Variants in ATXN1 observed in about 807,000 individuals in gnomAD.
ATXN1 encodes the protein ataxin-1.
In ATXN1, 8 loss-of-function variants were observed where a neutral mutation model predicts 56.4. That is an observed-to-expected ratio of 0.14 (90% CI 0.08 to 0.26). ATXN1 has a LOEUF of 0.26. Among genes scored for constraint, ATXN1 ranks in the 10% least tolerant of loss-of-function variants. The pLI is 1.00. For missense variants in ATXN1, 987 were observed against 1,106.5 expected (o/e 0.89, Z 1.53); for synonymous variants, 514 against 494.6 (o/e 1.04, Z -0.52).
At chr6:16,460,859 C>G (rs1338182272) in intron 6 of ATXN1, among the ~76,000 whole-genome samples, 3 of 152,158 alleles carry the variant, frequency 2.0e-5, no homozygotes, top group Non-Finnish European at 4.4e-5. Context: ...CAGAACTTAC[C>G]CAAGCCTTAG....
At position 16,347,197 on chromosome 6, in the gene ATXN1, A is replaced by G. The variant is rs544702226; in HGVS notation, c.-160-18727T>C. ...CCCCTGCTCCACAGCGCCCAGTCCC[A>G]TCGACCACCCAAGGACTGAGGAGTG... On this transcript the variant is annotated intron_variant, in intron 6 of 7. Coordinates refer to ENST00000436367, the MANE Select transcript of ATXN1 (RefSeq NM_001128164.2). Among the ~76,000 whole-genome samples, 3 of 152,210 alleles carry G rather than the reference A, an allele frequency of 2.0e-5. No homozygotes were observed. The East Asian group carries it at 5.8e-4, about 29-fold the overall frequency.
At chr6:16,759,526 GAC>G (rs1760992907) in intron 1 of ATXN1, among the ~76,000 whole-genome samples, 2 of 98,662 alleles carry the variant, frequency 2.0e-5, no homozygotes, top group African/African-American at 4.3e-5. Context: ...AGCTTCTTCC[GAC>G]TGTTTTTTTT....
At chr6:16,648,360 C>T (rs868020973) in intron 3 of ATXN1, among the ~76,000 whole-genome samples, 1 of 152,266 alleles carries the variant, frequency 6.6e-6, no homozygotes, top group South Asian at 2.1e-4. Context: ...TAATGAAAAG[C>T]GTCATAGTCT....
intron 6 of ATXN1, among the ~76,000 whole-genome samples, chr6:16,334,004 T>G (rs1357041225): frequency 2.0e-5 from 3 of 152,168 alleles, no homozygotes; most frequent in African/African-American, 7.2e-5. Flanking sequence ...GGATCACACA[T>G]TCATTCATCA....
chr6:16,608,744 T>C (rs1443384249), intron 3 of ATXN1, among the ~76,000 whole-genome samples: 1 of 152,210 alleles, frequency 6.6e-6, no homozygotes, highest in Non-Finnish European at 1.5e-5. Flanking sequence ...CTGGGGACCA[T>C]TACAGGGATA....
At chr6:16,316,221 G>A (rs1234377303) in intron 7 of ATXN1, among the ~76,000 whole-genome samples, 2 of 152,178 alleles carry the variant, frequency 1.3e-5, no homozygotes, top group African/African-American at 4.8e-5. Flanking sequence ...AATGCCTGAT[G>A]ATCTGAGGTG....
intron 6 of ATXN1, among the ~76,000 whole-genome samples, chr6:16,484,858 A>C (rs1198122853): frequency 2.6e-5 from 4 of 152,034 alleles, no homozygotes; most frequent in Non-Finnish European, 5.9e-5. Flanking sequence ...TGCTCTTTAC[A>C]AATCTTGTAG....
At chr6:16,407,197 T>C (rs1337522790) in intron 6 of ATXN1, among the ~76,000 whole-genome samples, 2 of 152,226 alleles carry the variant, frequency 1.3e-5, no homozygotes, top group East Asian at 3.8e-4. Context: ...CTTGGCTTCA[T>C]TTTAAAAGAT....
chr6:16,380,863 T>C (rs1453570713), intron 6 of ATXN1, among the ~76,000 whole-genome samples: 2 of 152,200 alleles, frequency 1.3e-5, no homozygotes, highest in Non-Finnish European at 2.9e-5. Flanking sequence ...AATTTATATA[T>C]TGACATCCTG....
At chr6:16,565,132 C>G (rs1002462317) in intron 4 of ATXN1, among the ~76,000 whole-genome samples, 2 of 152,176 alleles carry the variant, frequency 1.3e-5, no homozygotes, top group Non-Finnish European at 2.9e-5. Context: ...GGTTAAAAAT[C>G]AATCTCTGCT....
At chr6:16,315,137 G>T (rs1349692041) in intron 7 of ATXN1, among the ~76,000 whole-genome samples, 1 of 151,988 alleles carries the variant, frequency 6.6e-6, no homozygotes, top group African/African-American at 2.4e-5. Flanking sequence ...CTCAGATGTC[G>T]AATGGGCAAC....
chr6:16,724,006 G>A (rs901018545), intron 2 of ATXN1, among the ~76,000 whole-genome samples: 1 of 152,152 alleles, frequency 6.6e-6, no homozygotes, highest in Non-Finnish European at 1.5e-5. Context: ...CAAGCATGAT[G>A]ACTTCACGTT....
At chr6:16,606,107 G>A (rs1004813301) in intron 3 of ATXN1, among the ~76,000 whole-genome samples, 2 of 152,010 alleles carry the variant, frequency 1.3e-5, no homozygotes, top group Non-Finnish European at 2.9e-5. Flanking sequence ...CCAGCCTGGA[G>A]TACAGTGTGT....
chr6:16,475,877 T>C (rs1760316540), intron 6 of ATXN1, among the ~76,000 whole-genome samples: 1 of 151,494 alleles, frequency 6.6e-6, no homozygotes. Flanking sequence ...ATTACTTTTT[T>C]TTTTTTTTTT....
At chr6:16,339,083 A>C (rs1263825584) in intron 6 of ATXN1, among the ~76,000 whole-genome samples, 2 of 152,166 alleles carry the variant, frequency 1.3e-5, no homozygotes, top group African/African-American at 4.8e-5. Context: ...CATGGTGGGG[A>C]AATGCAGAAT....
At chr6:16,730,506 T>TATATATATATATATATATATATAA (rs1367623215) in intron 2 of ATXN1, among the ~76,000 whole-genome samples, 13 of 147,124 alleles carry the variant, frequency 8.8e-5, no homozygotes, top group South Asian at 2.1e-4. Context: ...TATATATATA[T>TATATATATATATATATATATATAA]AAATGTATTT....
At chr6:16,529,896 T>C (rs1761469697) in intron 4 of ATXN1, among the ~76,000 whole-genome samples, 1 of 152,224 alleles carries the variant, frequency 6.6e-6, no homozygotes, top group Non-Finnish European at 1.5e-5. Context: ...ACATCATTTA[T>C]CTCTGTGTAG....
intron 5 of ATXN1, among the ~76,000 whole-genome samples, chr6:16,509,301 T>TA (rs1429017038): frequency 6.6e-6 from 1 of 152,210 alleles, no homozygotes; most frequent in Admixed American, 6.5e-5. Context: ...ACAGGTTTCT[T>TA]ACCTGGCCTC....
At chr6:16,511,702 A>C (rs957806821) in intron 5 of ATXN1, among the ~76,000 whole-genome samples, 44 of 152,174 alleles carry the variant, frequency 2.9e-4, no homozygotes, top group Non-Finnish European at 1.8e-4. Flanking sequence ...ATGTCTCCAA[A>C]ACTTCCAAAA....
Sources: allele counts gnomAD v4.1 joint callset (sites outside exome capture counted in the v4.1 genomes callset), GRCh38; gene constraint gnomAD v4.1.1; transcripts MANE v1.5; gene names NCBI Gene and HGNC (gene_info 2026-07-23, HGNC 2026-07-21).